RGMA: variants seen among roughly 807,000 people sequenced by gnomAD.
RGMA encodes repulsive guidance molecule A.
Under a neutral mutation model 23.2 loss-of-function variants are expected in RGMA, and 10 were observed. The observed-to-expected ratio is 0.43, with a 90% CI of 0.27 to 0.73. The LOEUF is 0.73. RGMA is among the 30% of genes least tolerant of loss of function. The pLI is 0.20. For missense variants in RGMA, 547 were observed against 630.5 expected, an observed-to-expected ratio of 0.87 and a Z score of 1.42; for synonymous variants, 308 against 279.3, an observed-to-expected ratio of 1.10 and a Z score of -1.03.
chr15:93,065,955 TG>T (rs990229648), intron 2 of RGMA: 7 of 855,002 alleles, frequency 8.2e-6, no homozygotes, highest in Non-Finnish European at 1.1e-5. Context: ...AGAAGAAGGG[TG>T]GGGGGCGCCG....
Position 93,088,757 on chromosome 15 carries a change from T to G in RGMA, c.14+162A>C. ...CAAAAACTTTCCTGCTGCCAACAGCTAAAGCGATAGAGGCGCAGCAAAGCT... is the reference window on the plus strand; with the variant it reads ...CAAAAACTTTCCTGCTGCCAACAGCGAAAGCGATAGAGGCGCAGCAAAGCT... On this transcript the variant is annotated intron_variant, in intron 1 of 3. Transcript: ENST00000329082. The G allele has an allele frequency of 5.1e-6, 4 of 784,936 alleles. No individual in the cohort carries two copies. In the South Asian group the frequency reaches 7.0e-5, roughly 14 times the overall value. The allele number at this position is 784,936 out of a possible 1,614,324, so 48.6% of individuals were successfully genotyped here. A position where few individuals can be genotyped will look rare whatever the true frequency, so the allele number is the denominator to read the frequency against.
chr15:93,078,304 A>G (rs1444452990), intron 1 of RGMA, among the ~76,000 whole-genome samples: 2 of 152,222 alleles, frequency 1.3e-5, no homozygotes, highest in Non-Finnish European at 2.9e-5. Context: ...GCGTAGGGAT[A>G]TGTTACCAAT....
intron 2 of RGMA, among the ~76,000 whole-genome samples, chr15:93,061,963 C>CTG (rs908389214): frequency 7.9e-5 from 12 of 151,936 alleles, no homozygotes; most frequent in African/African-American, 2.9e-4. Context: ...GAGCCTGAAC[C>CTG]CAGGAATAAA....
chr15:93,076,333 G>T (rs1895472684), intron 1 of RGMA, among the ~76,000 whole-genome samples: 1 of 152,154 alleles, frequency 6.6e-6, no homozygotes, highest in Non-Finnish European at 1.5e-5. Flanking sequence ...TGAAAGGAAG[G>T]GTTCTGCATA....
chr15:93,089,026 A>T lies in RGMA; in HGVS notation c.-94T>A. 1.3e-6 allele frequency: 1 copy of T among 753,170 alleles called. No homozygotes were observed. The highest frequency in any genetic ancestry group is 1.9e-6 in the Non-Finnish European group (1 of 530,010). The allele number at this position is 753,170 out of a possible 1,614,324, so 46.7% of individuals were successfully genotyped here. A position where few individuals can be genotyped will look rare whatever the true frequency, so the allele number is the denominator to read the frequency against. On this transcript the variant is annotated 5_prime_UTR_variant, in exon 1 of 4. Coordinates refer to ENST00000329082, the MANE Select transcript of RGMA (RefSeq NM_020211.3). ...CTCGTCTGCCCCGGGGCAAGGTGGG[A>T]GGGGCTCCGCTGGCGCTGGTCCCCG...
rs768342139 is a variant in RGMA, at chr15:93,052,387, A to C, written c.251T>G (p.Leu84Arg). 1.2e-6 allele frequency: 2 copies of C among 1,600,040 alleles called. No individual in the cohort carries two copies. Among genetic ancestry groups the C allele is most frequent in the South Asian group, 2.2e-5 (2 of 90,980 alleles). Residue 84 changes from leucine (L) to arginine (R), a missense_variant, in exon 3 of 4, where the codon CTG (leucine) becomes CGG (arginine). This residue lies in a region of RGMA where 214 missense variants were observed against 234.7 expected (regional missense o/e 0.91). Coordinates refer to ENST00000329082, the MANE Select transcript of RGMA (RefSeq NM_020211.3). ...EFCAALRSYA[L>R]CTRRTARTCR... ...GGTGCGGGCCGTCCGCCGCGTGCAC[A>C]GGGCGTAGCTGCGCAAGGCTGCACA...
At chr15:93,054,229 CA>C (rs34699802) in intron 2 of RGMA, among the ~76,000 whole-genome samples, 19,606 of 110,770 alleles carry the variant, frequency 0.18, 1,441 homozygotes, top group South Asian at 0.41. Flanking sequence ...GACTCCATCT[CA>C]AAAAAAAAAA....
At chr15:93,066,040 T>C (rs2141831888) in intron 2 of RGMA, 2 of 1,507,868 alleles carry the variant, frequency 1.3e-6, no homozygotes, top group East Asian at 4.6e-5. Context: ...TGAAGGGATC[T>C]CTGCCACCAT....
chr15:93,087,298 C>G (rs1895649977), intron 1 of RGMA, among the ~76,000 whole-genome samples: 1 of 152,086 alleles, frequency 6.6e-6, no homozygotes, highest in Non-Finnish European at 1.5e-5. Context: ...CCACAGAGAA[C>G]GTGGAGCCCG....
intron 2 of RGMA, among the ~76,000 whole-genome samples, chr15:93,055,598 C>T (rs998675268): frequency 1.3e-5 from 2 of 152,218 alleles, no homozygotes. Flanking sequence ...ATCACACAAC[C>T]TCATTAGCAC....
At chr15:93,051,860 G>A (rs1414416563) in intron 3 of RGMA, 133 bp downstream of exon 3, 1 of 931,912 alleles carries the variant, frequency 1.1e-6, no homozygotes, top group Non-Finnish European at 1.6e-6. Flanking sequence ...CTCAGGGAGG[G>A]TGCTCCTGTG....
At chr15:93,054,430 G>C (rs1362559670) in intron 2 of RGMA, among the ~76,000 whole-genome samples, 2 of 152,108 alleles carry the variant, frequency 1.3e-5, no homozygotes, top group African/African-American at 4.8e-5. Context: ...GTGGGGCCAG[G>C]TGGAGATAAG....
At chr15:93,051,864 T>C in intron 3 of RGMA, 129 bp downstream of exon 3, 1 of 985,634 alleles carries the variant, frequency 1.0e-6, no homozygotes, top group South Asian at 1.6e-5. Flanking sequence ...GGGAGGGTGC[T>C]CCTGTGTCCC....
At chr15:93,088,145 T>G in intron 1 of RGMA, 2 of 597,244 alleles carry the variant, frequency 3.3e-6, no homozygotes, top group Non-Finnish European at 4.2e-6. Context: ...GAAATCTCAA[T>G]TTGGGAGAAC....
intron 1 of RGMA, among the ~76,000 whole-genome samples, chr15:93,087,407 AG>A (rs1895651663): frequency 8.3e-6 from 1 of 121,034 alleles, no homozygotes; most frequent in South Asian, 2.9e-4. Flanking sequence ...GTCCCTGTAA[AG>A]GGGGCTTGCT....
chr15:93,047,657 C>G (rs2054846543), intron 3 of RGMA, among the ~76,000 whole-genome samples: 1 of 152,080 alleles, frequency 6.6e-6, no homozygotes, highest in Non-Finnish European at 1.5e-5. Flanking sequence ...AACCTGGCCT[C>G]AGAGGGTCTG....
chr15:93,046,036 C>T (rs2054819677), intron 3 of RGMA, among the ~76,000 whole-genome samples: 1 of 152,120 alleles, frequency 6.6e-6, no homozygotes, highest in Non-Finnish European at 1.5e-5. Flanking sequence ...AGGTCAAAAG[C>T]CCAGTGTGGT....
chr15:93,065,990 CTT>C (rs1245204267), intron 2 of RGMA: 2 of 1,242,524 alleles, frequency 1.6e-6, no homozygotes, highest in Non-Finnish European at 2.3e-6. Flanking sequence ...TGCGCGGAGT[CTT>C]TGGCCCGTTC....
Position 93,036,367 on chromosome 15 carries a change from C to CT in RGMA, c.*8630dup, listed in dbSNP as rs560410495. 4.9e-4 allele frequency: 74 copies of CT among 152,404 alleles called. No individual in the cohort carries two copies. Among genetic ancestry groups the CT allele is most frequent in the African/African-American group, 1.7e-3 (72 of 41,582 alleles). The allele number at this position is 152,404 out of a possible 1,614,324, so 9.4% of individuals were successfully genotyped here. ...TGCAACCAACACCCACCCTGGGGCA[C>CT]TTGCCTTAAGGGATTAATCTGAGAT... is the stretch of plus-strand genomic sequence containing the variant. On this transcript the variant is annotated 3_prime_UTR_variant, in exon 4 of 4. Transcript: ENST00000329082.
Sources: allele counts gnomAD v4.1 joint callset (sites outside exome capture counted in the v4.1 genomes callset), GRCh38; gene constraint gnomAD v4.1.1; regional missense constraint gnomAD v4.1.1; transcripts MANE v1.5; gene names NCBI Gene and HGNC (gene_info 2026-07-23, HGNC 2026-07-21).